RTL4: variants seen among roughly 807,000 people sequenced by gnomAD.
The protein encoded by RTL4 is retrotransposon Gag like 4, also known as retrotransposon Gag-like protein 4.
A neutral mutation model predicts 5.3 loss-of-function variants in RTL4; 4 were observed. That is an observed-to-expected ratio of 0.75 (90% confidence interval 0.37 to 1.72). The LOEUF (loss-of-function observed/expected upper bound fraction) is 1.72, where lower values mean the gene tolerates loss of function less well. Ranked by LOEUF, RTL4 falls within the 40% of genes most tolerant of loss-of-function variation. The pLI is 0.04. For synonymous variants in RTL4, 98 were observed against 87.3 expected (o/e 1.12, Z -0.68); for missense variants, 260 against 227.1 (o/e 1.14, Z -0.93).
the RTL4 span, among the ~76,000 whole-genome samples, chrX:112,351,020 C>T: frequency 2.7e-5 from 3 of 111,381 alleles, no homozygotes; most frequent in East Asian, 2.8e-4. Flanking sequence ...ATAAATTTCC[C>T]TCTACACACT....
the RTL4 span, among the ~76,000 whole-genome samples, chrX:112,356,756 A>G: frequency 9.0e-6 from 1 of 111,482 alleles, no homozygotes; most frequent in Middle Eastern, 4.6e-3. Context: ...CTCTGGCCCA[A>G]CTCTAGATGA....
the RTL4 span, among the ~76,000 whole-genome samples, chrX:112,365,360 GTACTTA>G: frequency 9.0e-6 from 1 of 110,846 alleles, no homozygotes; most frequent in African/African-American, 3.3e-5. Flanking sequence ...TCGTGTTAGT[GTACTTA>G]TACTTAATCT....
chrX:112,430,804 G>A, the RTL4 span, among the ~76,000 whole-genome samples: 2 of 111,549 alleles, frequency 1.8e-5, no homozygotes, highest in Non-Finnish European at 1.9e-5. Context: ...TGTTGCCCAC[G>A]CTCTTCTAGA....
the RTL4 span, among the ~76,000 whole-genome samples, chrX:112,367,563 C>A: frequency 8.9e-6 from 1 of 112,068 alleles, no homozygotes; most frequent in Non-Finnish European, 1.9e-5. Context: ...AAGGAGGCAG[C>A]ATGTGAAAGT....
At chrX:112,290,314 A>G in the RTL4 span, among the ~76,000 whole-genome samples, 1 of 112,022 alleles carries the variant, frequency 8.9e-6, no homozygotes, top group Non-Finnish European at 1.9e-5. Context: ...GGAAGCCATC[A>G]GCACAGGGTG....
the RTL4 span, among the ~76,000 whole-genome samples, chrX:112,345,989 C>T: frequency 1.6e-4 from 18 of 111,701 alleles, no homozygotes; most frequent in Admixed American, 1.6e-3. Context: ...AGCTTGTATA[C>T]AGTATTGTTC....
chrX:112,131,392 G>A, the RTL4 span, among the ~76,000 whole-genome samples: 1 of 111,173 alleles, frequency 9.0e-6, no homozygotes, highest in Non-Finnish European at 1.9e-5. Context: ...AGCTCTGGGA[G>A]AACTTCAAAT....
chrX:112,250,343 T>TTTTTG, the RTL4 span, among the ~76,000 whole-genome samples: 51 of 111,722 alleles, frequency 4.6e-4, no homozygotes, highest in African/African-American at 1.4e-3. Context: ...GTTTCTTAGT[T>TTTTTG]TTTTGTTTTG....
chrX:112,427,249 C>G, the RTL4 span, among the ~76,000 whole-genome samples: 53,655 of 109,725 alleles, frequency 0.49, 10,033 homozygotes, highest in African/African-American at 0.65. Flanking sequence ...CTATGACCAA[C>G]TGGGATGTAT....
chrX:112,309,899 T>C, the RTL4 span, among the ~76,000 whole-genome samples: 1 of 104,195 alleles, frequency 9.6e-6, no homozygotes, highest in Admixed American at 1.1e-4. Flanking sequence ...CACACACATA[T>C]ATGTGTGTGT....
At chrX:112,290,277 T>G in the RTL4 span, among the ~76,000 whole-genome samples, 2 of 112,164 alleles carry the variant, frequency 1.8e-5, no homozygotes, top group Admixed American at 1.9e-4. Flanking sequence ...CTGATAGCCA[T>G]GAGAAGGTTT....
the RTL4 span, among the ~76,000 whole-genome samples, chrX:112,254,920 T>A: frequency 8.9e-6 from 1 of 111,852 alleles, no homozygotes; most frequent in African/African-American, 3.2e-5. Context: ...ACACCATAGT[T>A]TTATATGGAG....
the RTL4 span, among the ~76,000 whole-genome samples, chrX:112,253,152 T>C: frequency 8.9e-6 from 1 of 111,742 alleles, no homozygotes; most frequent in Admixed American, 9.5e-5. Context: ...GAGTATGTCA[T>C]CCTACCTGGT....
the RTL4 span, among the ~76,000 whole-genome samples, chrX:112,088,190 C>G: frequency 9.2e-6 from 1 of 108,322 alleles, no homozygotes; most frequent in African/African-American, 3.4e-5. Context: ...ATCCTGTATC[C>G]CTGAATCAAT....
chrX:112,161,835 TC>T, the RTL4 span, among the ~76,000 whole-genome samples: 5 of 44,224 alleles, frequency 1.1e-4, 1 homozygote, highest in African/African-American at 3.0e-4. Context: ...CTTCCTTCCT[TC>T]CTTCCTTCCT....
chrX:112,325,245 A>G, the RTL4 span, among the ~76,000 whole-genome samples: 7 of 111,943 alleles, frequency 6.3e-5, no homozygotes, highest in Admixed American at 2.8e-4. Flanking sequence ...TATAGATTCA[A>G]TGCCATTCCC....
At chrX:112,419,635 A>AT in the RTL4 span, among the ~76,000 whole-genome samples, 3 of 96,165 alleles carry the variant, frequency 3.1e-5, no homozygotes, top group African/African-American at 1.2e-4. Flanking sequence ...TTAAGTATGT[A>AT]AATCTGACTC....
chrX:112,086,845 G>A, the RTL4 span, among the ~76,000 whole-genome samples: 1 of 111,992 alleles, frequency 8.9e-6, no homozygotes, highest in Admixed American at 9.5e-5. Flanking sequence ...ACGAATGACT[G>A]TAATTGAAAA....
chrX:112,211,853 T>A, the RTL4 span, among the ~76,000 whole-genome samples: 1 of 111,974 alleles, frequency 8.9e-6, no homozygotes, highest in African/African-American at 3.2e-5. Flanking sequence ...GTTCACAGTT[T>A]AGTTGGGGAA....
Sources: gnomAD v4.1 joint callset for allele counts (sites outside exome capture counted in the v4.1 genomes callset) on GRCh38, gnomAD v4.1.1 for gene constraint, MANE v1.5 for transcripts, NCBI Gene and HGNC (gene_info 2026-07-23, HGNC 2026-07-21) for gene names.